ARID2: variants seen among roughly 807,000 people sequenced by gnomAD.
ARID2 encodes AT-rich interaction domain 2.
ARID2 carries 32 observed loss-of-function variants against 184.6 expected under a neutral mutation model. The ratio of observed to expected loss-of-function variants is 0.17; its 90% CI spans 0.13 to 0.23. The LOEUF is 0.23. Ranked by LOEUF, ARID2 falls within the 10% of genes least tolerant of loss-of-function variation. ARID2 has a pLI of 1.00. For synonymous variants in ARID2, 836 were observed against 772.6 expected, an observed-to-expected ratio of 1.08 and a Z score of -1.36; for missense variants, 1,696 against 2,197.6, an observed-to-expected ratio of 0.77 and a Z score of 4.56.
chr12:45,763,263 G>A (rs758020315), intron 3 of ARID2, among the ~76,000 whole-genome samples: 2 of 152,172 alleles, frequency 1.3e-5, no homozygotes, highest in Non-Finnish European at 2.9e-5. Context: ...GAGGTCAGGA[G>A]TTTGAGGCCA....
rs151191133 is a variant in ARID2, at chr12:45,746,829, C to T, written c.284+15515C>T. 7.3e-3 allele frequency among the ~76,000 whole-genome samples: 1,112 copies of T among 152,156 alleles called. 6 individuals carry two copies. The highest frequency in any genetic ancestry group is 0.012 in the Non-Finnish European group (811 of 67,982). The stretch of plus-strand genomic sequence containing the variant: ...TCACCCAGGCTGGAGTGCAGTGGCG[C>T]GATCGAGGCTCACTGCAAGCTCCGC... On this transcript the variant is annotated intron_variant, in intron 3 of 20. Transcript: ENST00000334344.
intron 3 of ARID2, among the ~76,000 whole-genome samples, chr12:45,810,665 GAT>G (rs1217759530): frequency 6.6e-6 from 1 of 152,128 alleles, no homozygotes; most frequent in African/African-American, 2.4e-5. Context: ...ATTAAATAAA[GAT>G]ATTCTCAGAA....
chr12:45,861,005 A>G, intron 16 of ARID2, 56 bp downstream of exon 16: 2 of 1,367,528 alleles, frequency 1.5e-6, no homozygotes, highest in Non-Finnish European at 1.9e-6. Context: ...GAATGCTTTT[A>G]TATTTAAGTT....
At chr12:45,826,310 A>G (rs1233391883) in intron 6 of ARID2, among the ~76,000 whole-genome samples, 4 of 152,162 alleles carry the variant, frequency 2.6e-5, no homozygotes, top group Admixed American at 1.3e-4. Flanking sequence ...AGATGTATAC[A>G]TGAATTTTAT....
At chr12:45,785,412 A>G (rs1283407046) in intron 3 of ARID2, among the ~76,000 whole-genome samples, 3 of 152,184 alleles carry the variant, frequency 2.0e-5, no homozygotes, top group East Asian at 1.9e-4. Context: ...GATGTTTTCC[A>G]TAAGACGCAC....
Position 45,835,033 on chromosome 12 carries a change from CAT to C in ARID2, c.706-1554_706-1553del, listed in dbSNP as rs1398762678. ...ACTTTTCACTGTGTGCCTTATGTCTCATACACTTTTTTTCTCTTCATCCTTTT... is the reference window on the plus strand; with the variant it reads ...ACTTTTCACTGTGTGCCTTATGTCTCACACTTTTTTTCTCTTCATCCTTTT... On this transcript the variant is annotated intron_variant, in intron 6 of 20. Coordinates refer to ENST00000334344, the MANE Select transcript of ARID2 (RefSeq NM_152641.4). 2.6e-5 allele frequency among the ~76,000 whole-genome samples: 4 copies of C among 152,138 alleles called. No homozygotes were observed. In the East Asian group the frequency reaches 7.7e-4, roughly 29 times the overall value.
intron 20 of ARID2, among the ~76,000 whole-genome samples, chr12:45,901,561 C>G (rs1164606112): frequency 1.3e-5 from 2 of 152,124 alleles, no homozygotes; most frequent in Admixed American, 6.6e-5. Flanking sequence ...TCTCATCTCT[C>G]TGAGGATATT....
intron 3 of ARID2, among the ~76,000 whole-genome samples, chr12:45,759,940 A>G (rs1235147118): frequency 6.6e-6 from 1 of 152,144 alleles, no homozygotes; most frequent in East Asian, 1.9e-4. Flanking sequence ...ATATTATTTG[A>G]TAGTATCTTA....
At chr12:45,767,159 T>C (rs1565588404) in intron 3 of ARID2, among the ~76,000 whole-genome samples, 1 of 152,216 alleles carries the variant, frequency 6.6e-6, no homozygotes, top group Non-Finnish European at 1.5e-5. Flanking sequence ...TTGAGTACTG[T>C]TATATTCTTA....
chr12:45,898,088 G>T (rs761047990), intron 20 of ARID2, among the ~76,000 whole-genome samples: 6 of 152,008 alleles, frequency 3.9e-5, no homozygotes, highest in Non-Finnish European at 8.8e-5. Flanking sequence ...GTGAGCTACT[G>T]AGCCCAGCCT....
At chr12:45,849,012 T>G (rs1315770575) in intron 13 of ARID2, 42 bp downstream of exon 13, 2 of 1,579,008 alleles carry the variant, frequency 1.3e-6, no homozygotes, top group Middle Eastern at 2.0e-4. Context: ...TTTACGTCAC[T>G]TACAACATCT....
chr12:45,826,023 T>C (rs1357960405), intron 6 of ARID2, among the ~76,000 whole-genome samples: 1 of 152,142 alleles, frequency 6.6e-6, no homozygotes, highest in African/African-American at 2.4e-5. Context: ...ATAATGGAAC[T>C]TTTTCTTTAC....
intron 3 of ARID2, among the ~76,000 whole-genome samples, chr12:45,737,852 A>G (rs1941160423): frequency 1.3e-5 from 2 of 152,162 alleles, no homozygotes; most frequent in African/African-American, 4.8e-5. Flanking sequence ...CACCTGCTCA[A>G]GCTGCACCTG....
chr12:45,866,942 T>C (rs1943840951), intron 16 of ARID2, among the ~76,000 whole-genome samples: 2 of 151,408 alleles, frequency 1.3e-5, no homozygotes, highest in Admixed American at 1.3e-4. Flanking sequence ...TTGTTGTTGT[T>C]GTTGTTGTTG....
chr12:45,824,402 A>G (rs1040907254), intron 6 of ARID2, among the ~76,000 whole-genome samples: 1 of 152,142 alleles, frequency 6.6e-6, no homozygotes, highest in Middle Eastern at 3.2e-3. Flanking sequence ...CTCTCATTCA[A>G]CATTGTATTG....
chr12:45,876,300 C>T (rs1342340078), intron 16 of ARID2, among the ~76,000 whole-genome samples: 1 of 152,190 alleles, frequency 6.6e-6, no homozygotes, highest in African/African-American at 2.4e-5. Flanking sequence ...CCTGTAATCC[C>T]AGCACTTTGG....
At position 45,849,725 on chromosome 12, in the gene ARID2, G is replaced by C. The variant is rs201224068; in HGVS notation, c.1861G>C (p.Val621Leu). 22 of 1,613,722 alleles carry C rather than the reference G, an allele frequency of 1.4e-5. No homozygotes were observed. The Admixed American group carries it at 1.5e-4, about 11-fold the overall frequency. ...TCAGCAGCAACCAGTTTCTACTTCT[G>C]TTGTTCGTGTTGATTCTGTTCCTGA... The part of the protein sequence containing the change: ...YYQQQPVSTS[V>L]VRVDSVPDVS... The change falls in exon 14 of 21, where the codon GTT becomes CTT. Residue 621 changes from valine (V) to leucine (L), a missense_variant. By Grantham distance (32) the Val-to-Leu change is conservative. This residue lies in a region of ARID2 where 713 missense variants were observed against 824.4 expected (regional missense o/e 0.86). Coordinates refer to ENST00000334344, the MANE Select transcript of ARID2 (RefSeq NM_152641.4).
At position 45,860,872 on chromosome 12, in the gene ARID2, C is replaced by T; in HGVS notation, c.4845C>T (p.Phe1615=). 1 of 1,607,038 alleles carries T rather than the reference C, an allele frequency of 6.2e-7. No individual in the cohort carries two copies. Among genetic ancestry groups the T allele is most frequent in the Middle Eastern group, 1.7e-4 (1 of 6,036 alleles). The change falls in exon 16 of 21, where the codon TTC becomes TTT. Residue 1615 remains phenylalanine, a synonymous_variant. Transcript: ENST00000334344. ...CTAACAGTTCTCAGCCTTCTCCATT[C>T]AGTGGATCCAGTCAGCCTGGAGATC... is the stretch of plus-strand genomic sequence containing the variant. ...GQPNSSQPSP[F]SGSSQPGDPM...
intron 3 of ARID2, among the ~76,000 whole-genome samples, chr12:45,747,382 G>A (rs1941380318): frequency 6.6e-6 from 1 of 152,102 alleles, no homozygotes; most frequent in East Asian, 1.9e-4. Flanking sequence ...AAGCCTGTAA[G>A]TACCATTGCT....
Sources: allele counts gnomAD v4.1 joint callset (sites outside exome capture counted in the v4.1 genomes callset), GRCh38; gene constraint gnomAD v4.1.1; regional missense constraint gnomAD v4.1.1; transcripts MANE v1.5; gene names NCBI Gene and HGNC (gene_info 2026-07-23, HGNC 2026-07-21).